The following EPS8L1 variants were observed in gnomAD, a reference collection of about 807,000 sequenced individuals.
The protein encoded by EPS8L1 is EPS8 signaling adaptor L1.
A neutral mutation model predicts 91.7 loss-of-function variants in EPS8L1; 101 were observed. The observed-to-expected ratio is 1.10, with a 90% CI of 0.94 to 1.30. The LOEUF (loss-of-function observed/expected upper bound fraction) is 1.30, where lower values mean the gene tolerates loss of function less well. Ranked by LOEUF, EPS8L1 falls within the 50% of genes most tolerant of loss-of-function variation. The pLI, the probability that EPS8L1 is intolerant of heterozygous loss-of-function variation, is 0.00. For missense variants in EPS8L1, 1,114 were observed against 1,017.0 expected (o/e 1.10, Z -1.30); for synonymous variants, 506 against 445.3 (o/e 1.14, Z -1.72).
At position 55,087,335 on chromosome 19, in the gene EPS8L1, C is replaced by T. The variant is rs1176574933; in HGVS notation, c.1985C>T (p.Ala662Val). 13 of 1,611,736 alleles carry T rather than the reference C, an allele frequency of 8.1e-6. No homozygotes were observed. The highest frequency in any genetic ancestry group is 1.7e-5 in the Admixed American group (1 of 59,934). The change falls in exon 19 of 20, where the codon GCG (alanine) becomes GTG (valine). Residue 662 changes from alanine to valine, a missense_variant. By Grantham distance (64) the Ala-to-Val change is moderately conservative. Transcript: ENST00000201647. Reference sequence around the variant, plus strand: ...GACGCGCTGGGTGTGCTGACCGGGGCGCAGCTTTTCTCGCTGCAGAAGGAG... The same window carrying T: ...GACGCGCTGGGTGTGCTGACCGGGGTGCAGCTTTTCTCGCTGCAGAAGGAG... The part of the protein sequence containing the change: ...TVDALGVLTG[A>V]QLFSLQKEEL...
At chr19:55,079,366 C>T (rs1051774190) in intron 4 of EPS8L1, among the ~76,000 whole-genome samples, 1 of 152,128 alleles carries the variant, frequency 6.6e-6, no homozygotes, top group Non-Finnish European at 1.5e-5. Context: ...TCCACAGAGG[C>T]GCCTGGTGCT....
chr19:55,080,999 G>A (rs2076246274), intron 7 of EPS8L1, 145 bp downstream of exon 7: 4 of 907,436 alleles, frequency 4.4e-6, no homozygotes, highest in African/African-American at 3.3e-5. Flanking sequence ...CCTCCCAGAC[G>A]AGCTGACCCC....
chr19:55,076,093 G>A (rs769320052), intron 1 of EPS8L1, among the ~76,000 whole-genome samples, 174 bp downstream of exon 1: 2 of 26,272 alleles, frequency 7.6e-5, no homozygotes, highest in South Asian at 7.1e-4. Flanking sequence ...TGAGGGAGGA[G>A]GGGCTGAGGG....
Position 55,087,314 on chromosome 19 carries a change from C to T in EPS8L1, c.1964C>T (p.Ala655Val). 2 of 1,607,722 alleles carry T rather than the reference C, an allele frequency of 1.2e-6. No individual in the cohort carries two copies. Among genetic ancestry groups the T allele is most frequent in the Admixed American group, 1.7e-5 (1 of 59,624 alleles). ...AKGFSSGTVD[A>V]LGVLTGAQLF... ...CTGCCCTCGCTCAGGACCGTGGACG[C>T]GCTGGGTGTGCTGACCGGGGCGCAG... is the stretch of plus-strand genomic sequence containing the variant. The change falls in exon 19 of 20, where the codon GCG (alanine) becomes GTG (valine). Residue 655 changes from alanine (A) to valine (V), a missense_variant. Ala to Val is a moderately conservative substitution (Grantham distance 64). Transcript: ENST00000201647.
At chr19:55,082,977 C>A (rs1219115986) in intron 12 of EPS8L1, among the ~76,000 whole-genome samples, 1 of 152,056 alleles carries the variant, frequency 6.6e-6, no homozygotes, top group Non-Finnish European at 1.5e-5. Flanking sequence ...GGCAGTTCCG[C>A]AGGGAAAGGG....
At chr19:55,084,633 C>A (rs1257892081) in intron 14 of EPS8L1, 1 of 152,256 alleles carries the variant, frequency 6.6e-6, no homozygotes, top group Non-Finnish European at 1.5e-5. Context: ...CCCCCCTCTC[C>A]CCTGCACAGG....
chr19:55,086,401 C>T lies in EPS8L1; in HGVS notation c.1660C>T (p.Pro554Ser), dbSNP rs1033598413. The T allele has an allele frequency of 6.4e-6, 10 of 1,573,384 alleles. No individual in the cohort carries two copies. Among genetic ancestry groups the T allele is most frequent in the Non-Finnish European group, 8.6e-6 (10 of 1,158,266 alleles). ...CTCTCCTTCCTTTCAGAACAGCACTCCTCCTCCACCACCAGCCCCAGCCCC... is the reference window on the plus strand; with the variant it reads ...CTCTCCTTCCTTTCAGAACAGCACTTCTCCTCCACCACCAGCCCCAGCCCC... ...QSPARSLNST[P>S]PPPPAPAPAP... is the part of the protein sequence containing the mutation. Residue 554 changes from proline to serine, a missense_variant, in exon 17 of 20, where the codon CCT becomes TCT. Physicochemically the swap from Pro to Ser is moderately conservative, Grantham distance 74. Transcript: ENST00000201647.
In EPS8L1 at chr19:55,080,232, A is replaced by G. The variant is rs760145394; in HGVS notation, c.383A>G (p.Glu128Gly). Residue 128 changes from glutamate to glycine, a missense_variant, in exon 6 of 20, where the codon GAG becomes GGG. Transcript: ENST00000201647. ...SLLLLVCQEP[E>G]RAQPDVHFFQ... ...CTGCTGCTCGTGTGCCAGGAACCCG[A>G]GCGCGCGCAGCCCGACGTGCACTTC... The G allele has an allele frequency of 1.3e-6, 2 of 1,537,054 alleles. No individual in the cohort carries two copies. Among genetic ancestry groups the G allele is most frequent in the Non-Finnish European group, 1.8e-6 (2 of 1,137,092 alleles).
At chr19:55,080,713 G>C (rs2076237477) in intron 6 of EPS8L1, 59 bp from the exon 7 acceptor site, 2 of 1,587,822 alleles carry the variant, frequency 1.3e-6, no homozygotes, top group East Asian at 2.3e-5. Context: ...CCAGGGGCGA[G>C]GCCCGGGTAG....
Position 55,079,814 on chromosome 19 carries a change from C to T in EPS8L1, c.242C>T (p.Ser81Phe). Residue 81 changes from serine (S) to phenylalanine (F), a missense_variant, in exon 5 of 20, where the codon TCT (serine) becomes TTT (phenylalanine). Transcript: ENST00000201647. ...VWAQEMLLRV[S>F]PDHVTLLDPA... ...GCACAGGAGATGCTGCTGCGAGTGT[C>T]TCCCGACCATGTCACGCTGCTCGAC... 1 of 1,613,960 alleles carries T rather than the reference C, an allele frequency of 6.2e-7. No individual in the cohort carries two copies. The highest frequency in any genetic ancestry group is 8.5e-7 in the Non-Finnish European group (1 of 1,179,956).
Position 55,086,513 on chromosome 19 carries a change from AGAAGGGTGAGTGGTGG to A in EPS8L1, c.1774_1777+12del. 6.4e-7 allele frequency: 1 copy of A among 1,551,128 alleles called. No homozygotes were observed. The highest frequency in any genetic ancestry group is 8.7e-7 in the Non-Finnish European group (1 of 1,146,856). ...AGCCTCAACGGCTTGGACCCCAGCG[AGAAGGGTGAGTGGTGG>A]GGACGCCGGCTGCGGGGAGCGGTCC... On this transcript the variant is annotated splice_donor_variant and splice_donor_5th_base_variant and coding_sequence_variant and intron_variant, in exon 17 of 20. Transcript: ENST00000201647. LOFTEE classifies it high-confidence loss of function.
rs540205304 is a variant in EPS8L1 at position 55,087,907 on chromosome 19, A to G, written c.*293A>G. 1.6e-5 allele frequency: 7 copies of G among 426,774 alleles called. No individual in the cohort carries two copies. Among genetic ancestry groups the G allele is most frequent in the Non-Finnish European group, 3.1e-5 (7 of 228,992 alleles). The allele number at this position is 426,774 out of a possible 1,614,324, so 26.4% of individuals were successfully genotyped here. A position where few individuals can be genotyped will look rare whatever the true frequency, so the allele number is the denominator to read the frequency against. ...GTAATATGCGGCCCAGCCTATAAAC[A>G]GCCTCCGTGCTTAGCAGATGGTGTG... On this transcript the variant is annotated 3_prime_UTR_variant, in exon 20 of 20. Transcript: ENST00000201647.
chr19:55,085,591 A>G, intron 14 of EPS8L1: 2 of 392,248 alleles, frequency 5.1e-6, no homozygotes, highest in Non-Finnish European at 4.6e-6. Flanking sequence ...TCTGAGCCTC[A>G]TTCTCCTCTG....
At chr19:55,085,232 C>A (rs1437618415) in intron 14 of EPS8L1, among the ~76,000 whole-genome samples, 1 of 152,198 alleles carries the variant, frequency 6.6e-6, no homozygotes, top group Non-Finnish European at 1.5e-5. Flanking sequence ...GTGGTGAGAT[C>A]TCAGCTCACT....
rs2076224383 is a variant in EPS8L1 at position 55,080,219 on chromosome 19, T to C, written c.370T>C (p.Cys124Arg). ...GAGCCGCTCGTTGCTGCTGCTCGTG[T>C]GCCAGGAACCCGAGCGCGCGCAGCC... ...GRSRSLLLLV[C>R]QEPERAQPDV... The change falls in exon 6 of 20, where the codon TGC becomes CGC. Residue 124 changes from cysteine to arginine, a missense_variant. Coordinates refer to ENST00000201647, the MANE Select transcript of EPS8L1 (RefSeq NM_133180.3). 6.5e-7 allele frequency: 1 copy of C among 1,539,276 alleles called. No homozygotes were observed. Among genetic ancestry groups the C allele is most frequent in the Non-Finnish European group, 8.8e-7 (1 of 1,138,370 alleles).
chr19:55,080,849 G>C lies in EPS8L1; in HGVS notation c.507G>C (p.Ala169=). Residue 169 remains alanine, a synonymous_variant, in exon 7 of 20, where the codon GCG becomes GCC. Transcript: ENST00000201647. ...RSGRGERRAA[A]LRATQEELQR... is the part of the protein sequence containing the mutation. ...GCCGCGGGGAGCGCAGGGCGGCGGC[G>C]CTCAGGTGAGAGGGAAGAAGTTGGC... The C allele has an allele frequency of 6.2e-7, 1 of 1,607,816 alleles. No individual in the cohort carries two copies. Among genetic ancestry groups the C allele is most frequent in the Non-Finnish European group, 8.5e-7 (1 of 1,176,828 alleles).
At position 55,086,139 on chromosome 19, in the gene EPS8L1, A is replaced by T; in HGVS notation, c.1597A>T (p.Thr533Ser). The T allele has an allele frequency of 6.2e-7, 1 of 1,607,414 alleles. No individual in the cohort carries two copies. Among genetic ancestry groups the T allele is most frequent in the Non-Finnish European group, 8.5e-7 (1 of 1,176,226 alleles). ...GGGATATGTGCCCTACAACATCCTG[A>T]CACCCTACCCCGGACCCCGGCTGCA... ...QEGYVPYNILTPYPGPRLHHS... is the reference protein window; with the variant it reads ...QEGYVPYNILSPYPGPRLHHS... The change falls in exon 16 of 20, where the codon ACA becomes TCA. Residue 533 changes from threonine to serine, a missense_variant. Thr to Ser is a moderately conservative substitution (Grantham distance 58, BLOSUM62 1). Coordinates refer to ENST00000201647, the MANE Select transcript of EPS8L1 (RefSeq NM_133180.3).
At chr19:55,079,210 A>T (rs1000779622) in intron 4 of EPS8L1, among the ~76,000 whole-genome samples, 153 bp downstream of exon 4, 1 of 152,154 alleles carries the variant, frequency 6.6e-6, no homozygotes, top group Non-Finnish European at 1.5e-5. Context: ...GCCTCACCTC[A>T]GTCATGGATA....
In EPS8L1 at chr19:55,081,325, G is replaced by T; in HGVS notation, c.607G>T (p.Val203Leu). The change falls in exon 8 of 20, where the codon GTA (valine) becomes TTA (leucine). Residue 203 changes from valine to leucine, a missense_variant. Val to Leu is a conservative substitution (Grantham distance 32, BLOSUM62 1). Coordinates refer to ENST00000201647, the MANE Select transcript of EPS8L1 (RefSeq NM_133180.3). The surrounding 1 kb of genome is among the most constrained non-coding windows in gnomAD (Gnocchi z 4.9). ...GTCAGTCCGCGCAGTGATCAGCACCGTAGAGCGGGGCGCGGGCCGCGGACG... is the reference window on the plus strand; with the variant it reads ...GTCAGTCCGCGCAGTGATCAGCACCTTAGAGCGGGGCGCGGGCCGCGGACG... ...RPSVRAVIST[V>L]ERGAGRGRPQ... is the part of the protein sequence containing the mutation. 6.4e-7 allele frequency: 1 copy of T among 1,556,330 alleles called. No individual in the cohort carries two copies. Among genetic ancestry groups the T allele is most frequent in the Non-Finnish European group, 8.6e-7 (1 of 1,156,640 alleles).
Sources: allele counts gnomAD v4.1 joint callset (sites outside exome capture counted in the v4.1 genomes callset), GRCh38; gene constraint gnomAD v4.1.1; non-coding constraint Gnocchi (gnomAD v3.1); transcripts MANE v1.5; gene names NCBI Gene and HGNC (gene_info 2026-07-23, HGNC 2026-07-21).